Variants in PKHD1 observed in about 807,000 individuals in gnomAD.
PKHD1 encodes fibrocystin.
In PKHD1, 291 loss-of-function variants were observed where a neutral mutation model predicts 412.0. The observed-to-expected ratio is 0.71, with a 90% CI of 0.64 to 0.78. The LOEUF (loss-of-function observed/expected upper bound fraction) is 0.78. Ranked by LOEUF, PKHD1 falls within the 30% of genes least tolerant of loss-of-function variation. The pLI, the probability that PKHD1 is intolerant of heterozygous loss-of-function variation, is 0.00. For synonymous variants in PKHD1, 1,777 were observed against 1,821.5 expected, an observed-to-expected ratio of 0.98 and a Z score of 0.62; for missense variants, 4,825 against 4,950.7, an observed-to-expected ratio of 0.97 and a Z score of 0.76.
chr6:51,993,389 A>G lies in PKHD1; in HGVS notation c.5751+16920T>C, dbSNP rs1271741587. On this transcript the variant is annotated intron_variant, in intron 35 of 66. Transcript: ENST00000371117. Reference sequence around the variant, plus strand: ...GCACCAGAGGTGGAAGTGGACAGGTACCGAACACTTGAACTTTTACTTTTC... The same window carrying G: ...GCACCAGAGGTGGAAGTGGACAGGTGCCGAACACTTGAACTTTTACTTTTC... 4.6e-5 allele frequency among the ~76,000 whole-genome samples: 7 copies of G among 152,372 alleles called. No individual in the cohort carries two copies. The East Asian group carries it at 1.4e-3, about 29-fold the overall frequency.
chr6:51,994,197 C>T (rs1460895893), intron 35 of PKHD1, among the ~76,000 whole-genome samples: 1 of 151,320 alleles, frequency 6.6e-6, no homozygotes, highest in Non-Finnish European at 1.5e-5. Flanking sequence ...TGCAGTGGCA[C>T]TATCTCGGCT....
intron 36 of PKHD1, 69 bp downstream of exon 36, chr6:51,959,801 C>T: frequency 7.2e-7 from 1 of 1,390,394 alleles, no homozygotes; most frequent in East Asian, 2.3e-5. Context: ...GAAAGTTTCC[C>T]TCCTCCATCC....
rs794727759 is a variant in PKHD1, at chr6:51,791,265, A to T, written c.8411T>A (p.Met2804Lys). The T allele has an allele frequency of 1.1e-5, 17 of 1,613,786 alleles. No individual in the cohort carries two copies. Among genetic ancestry groups the T allele is most frequent in the Non-Finnish European group, 1.4e-5 (16 of 1,179,862 alleles). The change falls in exon 53 of 67, where the codon ATG (methionine) becomes AAG (lysine). Residue 2804 changes from methionine (M) to lysine (K), a missense_variant. By Grantham distance (95) the Met-to-Lys change is moderately conservative. Transcript: ENST00000371117. ...DRSNVLSVACMVIAGGELKVG... is the reference protein window; with the variant it reads ...DRSNVLSVACKVIAGGELKVG... ...TTTCAGCTCCCCGCCTGCAATGACCATGCATGCCACACTCAGAACATTGCT... is the reference window on the plus strand; with the variant it reads ...TTTCAGCTCCCCGCCTGCAATGACCTTGCATGCCACACTCAGAACATTGCT...
At chr6:51,756,442 C>T (rs1253501453) in intron 55 of PKHD1, among the ~76,000 whole-genome samples, 1 of 152,144 alleles carries the variant, frequency 6.6e-6, no homozygotes, top group African/African-American at 2.4e-5. Context: ...TTTAGTTCTT[C>T]AGGTGCTAAA....
chr6:51,899,341 G>C (rs1489368391), intron 43 of PKHD1, among the ~76,000 whole-genome samples: 8 of 151,644 alleles, frequency 5.3e-5, no homozygotes, highest in Non-Finnish European at 1.2e-4. Context: ...CTTCATCCCT[G>C]GGATGCAAGG....
In PKHD1 at chr6:51,846,178, G is replaced by A. The variant is rs573984705; in HGVS notation, c.8107+1597C>T. ...ATAATTCAGTGCAAATAAAATATAC[G>A]ACAATCCTTTTGGCAAAGACATAAA... is the stretch of plus-strand genomic sequence containing the variant. On this transcript the variant is annotated intron_variant, in intron 50 of 66. Coordinates refer to ENST00000371117, the MANE Select transcript of PKHD1 (RefSeq NM_138694.4). 2.4e-4 allele frequency among the ~76,000 whole-genome samples: 37 copies of A among 152,142 alleles called. No individual in the cohort carries two copies. The East Asian group carries it at 5.2e-3, about 21-fold the overall frequency.
At chr6:51,667,315 A>G (rs1476647539) in intron 60 of PKHD1, among the ~76,000 whole-genome samples, 1 of 151,082 alleles carries the variant, frequency 6.6e-6, no homozygotes, top group Non-Finnish European at 1.5e-5. Context: ...GCATTTTTTC[A>G]TGTGTTTTTT....
intron 60 of PKHD1, chr6:51,741,068 AC>A (rs1784490952): frequency 1.9e-6 from 1 of 518,610 alleles, no homozygotes; most frequent in Non-Finnish European, 3.9e-6. Flanking sequence ...ATGGAGTTTT[AC>A]CATTGAATCA....
intron 55 of PKHD1, among the ~76,000 whole-genome samples, chr6:51,762,127 G>A (rs1205887236): frequency 3.3e-5 from 5 of 152,006 alleles, no homozygotes; most frequent in Non-Finnish European, 7.4e-5. Context: ...TTAACAGTTA[G>A]TGTCTCTATT....
rs886061610 is a variant in PKHD1, at chr6:51,649,116, A to C, written c.11279T>G (p.Val3760Gly). 4.3e-6 allele frequency: 7 copies of C among 1,613,772 alleles called. No individual in the cohort carries two copies. The highest frequency in any genetic ancestry group is 1.3e-5 in the African/African-American group (1 of 74,946). Residue 3760 changes from valine (V) to glycine (G), a missense_variant, in exon 62 of 67, where the codon GTG (valine) becomes GGG (glycine). By Grantham distance (109) the Val-to-Gly change is moderately radical. Coordinates refer to ENST00000371117, the MANE Select transcript of PKHD1 (RefSeq NM_138694.4). ...ATCCAAAAATACCAATTGTGGCTGC[A>C]CTGGAAGCTCATTTCCCACTTCTCC... Reference protein sequence around the residue: ...SDGEVGNELPVQPQLVFLDEQ... With the variant: ...SDGEVGNELPGQPQLVFLDEQ...
At chr6:51,930,729 G>C (rs934405720) in intron 37 of PKHD1, among the ~76,000 whole-genome samples, 1 of 152,202 alleles carries the variant, frequency 6.6e-6, no homozygotes, top group Non-Finnish European at 1.5e-5. Context: ...GGCCTCATTC[G>C]CTGGGCAGTG....
intron 43 of PKHD1, among the ~76,000 whole-genome samples, chr6:51,897,722 T>C (rs374834193): frequency 3.5e-5 from 5 of 144,334 alleles, no homozygotes; most frequent in East Asian, 2.1e-4. Flanking sequence ...GACTGGCAAA[T>C]TGGATAAAGA....
intron 60 of PKHD1, among the ~76,000 whole-genome samples, chr6:51,690,787 A>G (rs560910662): frequency 2.9e-4 from 44 of 152,356 alleles, no homozygotes; most frequent in African/African-American, 1.0e-3. Context: ...ACCAAAAGCA[A>G]TTGCAACAAA....
intron 48 of PKHD1, 124 bp from the exon 49 acceptor site, chr6:51,856,194 T>G (rs1052991656): frequency 7.6e-5 from 56 of 733,398 alleles, no homozygotes; most frequent in Middle Eastern, 3.6e-4. Flanking sequence ...TCTTAGGCCC[T>G]CTTTAGTTGT....
intron 35 of PKHD1, among the ~76,000 whole-genome samples, chr6:52,004,762 C>T (rs993037403): frequency 6.6e-6 from 1 of 152,138 alleles, no homozygotes; most frequent in Non-Finnish European, 1.5e-5. Context: ...CAACTCAATG[C>T]CCTGGTGTTG....
intron 53 of PKHD1, among the ~76,000 whole-genome samples, chr6:51,781,481 C>A (rs895720491): frequency 1.2e-4 from 18 of 152,074 alleles, no homozygotes; most frequent in African/African-American, 4.1e-4. Flanking sequence ...ATATGTTATT[C>A]ATTCACTACT....
chr6:51,958,814 T>TACAC (rs112637668), intron 36 of PKHD1, among the ~76,000 whole-genome samples: 74,003 of 149,480 alleles, frequency 0.5, 18,563 homozygotes, highest in East Asian at 0.8. Context: ...AGCCACTAGC[T>TACAC]ACACACACAC....
At chr6:51,923,144 T>C (rs1215832500) in intron 37 of PKHD1, among the ~76,000 whole-genome samples, 1 of 152,140 alleles carries the variant, frequency 6.6e-6, no homozygotes. Context: ...TGGACATACA[T>C]GGGTGTCATT....
intron 41 of PKHD1, among the ~76,000 whole-genome samples, chr6:51,904,429 A>G (rs533038515): frequency 6.6e-6 from 1 of 152,254 alleles, no homozygotes; most frequent in Admixed American, 6.5e-5. Context: ...AGGATGGACA[A>G]CATCTAGGAC....
Sources: allele counts gnomAD v4.1 joint callset (sites outside exome capture counted in the v4.1 genomes callset), GRCh38; gene constraint gnomAD v4.1.1; transcripts MANE v1.5; gene names NCBI Gene and HGNC (gene_info 2026-07-23, HGNC 2026-07-21).